The following RAD51B variants were observed in gnomAD, a reference collection of about 807,000 sequenced individuals.
The protein encoded by RAD51B is RAD51 paralog B, also known as DNA repair protein RAD51 homolog 2.
Under a neutral mutation model 42.2 loss-of-function variants are expected in RAD51B, and 38 were observed. That is an observed-to-expected ratio of 0.90 (90% CI 0.70 to 1.18). The LOEUF is 1.18. Among genes scored for constraint, RAD51B ranks in the 50% most tolerant of loss-of-function variants. RAD51B has a pLI of 0.00. For synonymous variants in RAD51B, 154 were observed against 145.2 expected (o/e 1.06, Z -0.43); for missense variants, 373 against 400.7 (o/e 0.93, Z 0.59).
chr14:68,405,717 T>C (rs2084252790), intron 8 of RAD51B, among the ~76,000 whole-genome samples: 1 of 151,808 alleles, frequency 6.6e-6, no homozygotes, highest in South Asian at 2.1e-4. Context: ...ATTCTTATTG[T>C]TTTAGCGACG....
chr14:67,844,601 T>TTA (rs1341934238), intron 4 of RAD51B, among the ~76,000 whole-genome samples: 2 of 147,854 alleles, frequency 1.4e-5, no homozygotes, highest in South Asian at 2.1e-4. Context: ...CCCTTGTCTT[T>TTA]TATATATATA....
intron 10 of RAD51B, among the ~76,000 whole-genome samples, chr14:68,629,655 G>C (rs61987101): frequency 8.5e-5 from 13 of 152,316 alleles, no homozygotes; most frequent in South Asian, 8.3e-4. Flanking sequence ...TTATCGTTTT[G>C]TGATGCCTGT....
intron 7 of RAD51B, among the ~76,000 whole-genome samples, chr14:68,223,450 G>A (rs1454926913): frequency 2.6e-5 from 4 of 152,190 alleles, no homozygotes; most frequent in East Asian, 1.9e-4. Context: ...CACCCAAGTC[G>A]TCCAAGTTCA....
rs149361589 is a variant in RAD51B at position 68,327,848 on chromosome 14, C to T, written c.853+35868C>T. On this transcript the variant is annotated intron_variant, in intron 8 of 10. Coordinates refer to ENST00000471583, the MANE Select transcript of RAD51B (RefSeq NM_133510.4). ...TTTAATCACTGTGCCTTAGTAAACACGATCCTGGTACATTTCAGCACAGTA... is the reference window on the plus strand; with the variant it reads ...TTTAATCACTGTGCCTTAGTAAACATGATCCTGGTACATTTCAGCACAGTA... Among the ~76,000 whole-genome samples the T allele has an allele frequency of 3.8e-4, 58 of 152,276 alleles. No homozygotes were observed. In the East Asian group the frequency reaches 0.01, roughly 26 times the overall value.
chr14:68,300,661 T>C (rs2081710747), intron 8 of RAD51B, among the ~76,000 whole-genome samples: 1 of 152,254 alleles, frequency 6.6e-6, no homozygotes, highest in Non-Finnish European at 1.5e-5. Context: ...TTTATACCAA[T>C]AATCAGCCTT....
At chr14:67,835,537 A>G (rs2041209298) in intron 4 of RAD51B, among the ~76,000 whole-genome samples, 1 of 147,780 alleles carries the variant, frequency 6.8e-6, no homozygotes, top group African/African-American at 2.6e-5. Context: ...ATACATTTAT[A>G]TGTACACACG....
intron 8 of RAD51B, among the ~76,000 whole-genome samples, chr14:68,344,199 C>T (rs1182580499): frequency 1.3e-5 from 2 of 152,308 alleles, no homozygotes; most frequent in East Asian, 3.9e-4. Context: ...AGCTTGTATC[C>T]TGAGCTTGGA....
At chr14:68,441,379 A>G (rs2085282439) in intron 9 of RAD51B, among the ~76,000 whole-genome samples, 1 of 143,914 alleles carries the variant, frequency 6.9e-6, no homozygotes, top group Non-Finnish European at 1.5e-5. Flanking sequence ...CGTCTCTAGT[A>G]AAAAAACAAA....
At chr14:68,060,791 T>A (rs2076555232) in intron 7 of RAD51B, among the ~76,000 whole-genome samples, 1 of 152,234 alleles carries the variant, frequency 6.6e-6, no homozygotes, top group East Asian at 1.9e-4. Flanking sequence ...TATTGAAGGT[T>A]AAATATTAAA....
chr14:68,442,494 G>A (rs2085323976), intron 9 of RAD51B, among the ~76,000 whole-genome samples: 1 of 140,268 alleles, frequency 7.1e-6, no homozygotes, highest in Non-Finnish European at 1.5e-5. Context: ...AGGCTGGAGA[G>A]CAGTGGCGCG....
At chr14:68,536,070 G>A (rs907093314) in intron 10 of RAD51B, among the ~76,000 whole-genome samples, 3 of 152,152 alleles carry the variant, frequency 2.0e-5, no homozygotes, top group Non-Finnish European at 2.9e-5. Flanking sequence ...TAGGAAGCAG[G>A]AAACACAAGG....
chr14:68,170,825 C>T (rs1466096996), intron 7 of RAD51B, among the ~76,000 whole-genome samples: 1 of 152,086 alleles, frequency 6.6e-6, no homozygotes, highest in African/African-American at 2.4e-5. Flanking sequence ...AGCAAGTTGC[C>T]TTTTGGAAAG....
intron 10 of RAD51B, among the ~76,000 whole-genome samples, chr14:68,492,871 G>A (rs1884188644): frequency 6.6e-6 from 1 of 152,158 alleles, no homozygotes; most frequent in Non-Finnish European, 1.5e-5. Context: ...TCTGAGGCAA[G>A]TACCATTATC....
rs189344872 is a variant in RAD51B, at chr14:68,311,591, A to G, written c.853+19611A>G. Among the ~76,000 whole-genome samples, 41 of 152,352 alleles carry G rather than the reference A, an allele frequency of 2.7e-4. No individual in the cohort carries two copies. The East Asian group carries it at 6.0e-3, about 22-fold the overall frequency. The stretch of plus-strand genomic sequence containing the variant: ...GTCATTTGTGAGGAGGACAAGATTT[A>G]AAGAGAAGGTAACTGGGCCAGGTGT... On this transcript the variant is annotated intron_variant, in intron 8 of 10. Transcript: ENST00000471583.
At chr14:68,144,324 G>A (rs1182898180) in intron 7 of RAD51B, among the ~76,000 whole-genome samples, 7 of 152,174 alleles carry the variant, frequency 4.6e-5, no homozygotes, top group African/African-American at 1.7e-4. Context: ...CTTAGTGAGG[G>A]CGGCTGAGCA....
chr14:68,329,045 G>C (rs1005416231), intron 8 of RAD51B, among the ~76,000 whole-genome samples: 24 of 152,062 alleles, frequency 1.6e-4, no homozygotes, highest in Admixed American at 1.2e-3. Flanking sequence ...GTCTTTTGCT[G>C]TTGCCCAGGC....
chr14:68,662,817 AG>A (rs1392811578), intron 11 of RAD51B, among the ~76,000 whole-genome samples: 1 of 152,238 alleles, frequency 6.6e-6, no homozygotes, highest in Non-Finnish European at 1.5e-5. Flanking sequence ...CTGAGTTCAA[AG>A]CAGAAGCCTT....
At chr14:68,460,138 C>T (rs2085805934) in intron 9 of RAD51B, among the ~76,000 whole-genome samples, 1 of 152,098 alleles carries the variant, frequency 6.6e-6, no homozygotes. Flanking sequence ...ATGTAAACTG[C>T]CAGGACCAGA....
intron 5 of RAD51B, among the ~76,000 whole-genome samples, chr14:67,873,020 T>C (rs1264220483): frequency 1.3e-5 from 2 of 152,196 alleles, no homozygotes; most frequent in African/African-American, 2.4e-5. Context: ...ATTCAGGACA[T>C]AGGCATGGGC....
Sources: gnomAD v4.1 joint callset for allele counts (sites outside exome capture counted in the v4.1 genomes callset) on GRCh38, gnomAD v4.1.1 for gene constraint, MANE v1.5 for transcripts, NCBI Gene and HGNC (gene_info 2026-07-23, HGNC 2026-07-21) for gene names.